AKAP13: variants seen among roughly 807,000 people sequenced by gnomAD.
The protein encoded by AKAP13 is A-kinase anchor protein 13.
A neutral mutation model predicts 264.5 loss-of-function variants in AKAP13; 80 were observed. That is an observed-to-expected ratio of 0.30 (90% CI 0.25 to 0.36). The LOEUF is 0.36. AKAP13 is among the 10% of genes least tolerant of loss of function. AKAP13 has a pLI of 1.00. For missense variants in AKAP13, 3,712 were observed against 3,435.2 expected, an observed-to-expected ratio of 1.08 and a Z score of -2.01; for synonymous variants, 1,380 against 1,250.2, an observed-to-expected ratio of 1.10 and a Z score of -2.19.
At chr15:85,412,787 C>G (rs556184541) in intron 1 of AKAP13, among the ~76,000 whole-genome samples, 2 of 152,288 alleles carry the variant, frequency 1.3e-5, no homozygotes, top group East Asian at 1.9e-4. Context: ...AGAAACAACA[C>G]AGAGGAAAAT....
intron 16 of AKAP13, among the ~76,000 whole-genome samples, chr15:85,690,663 T>A (rs2151632142): frequency 6.6e-6 from 1 of 152,296 alleles, no homozygotes; most frequent in East Asian, 1.9e-4. Context: ...TTCATTACAG[T>A]GGTTGGGTTC....
At chr15:85,521,112 C>A (rs1435511293) in intron 2 of AKAP13, among the ~76,000 whole-genome samples, 1 of 152,230 alleles carries the variant, frequency 6.6e-6, no homozygotes. Context: ...CCCCCTGCCC[C>A]TCCCCTTTTT....
chr15:85,575,701 A>G (rs1056647026), intron 6 of AKAP13, among the ~76,000 whole-genome samples: 5 of 152,168 alleles, frequency 3.3e-5, no homozygotes, highest in African/African-American at 1.2e-4. Context: ...CAAAAAAAAA[A>G]AAACTTTCCT....
At chr15:85,428,319 C>A (rs34160606) in intron 1 of AKAP13, among the ~76,000 whole-genome samples, 38,062 of 152,094 alleles carry the variant, frequency 0.25, 6,332 homozygotes, top group Middle Eastern at 0.37. Context: ...CCTGCCTCAG[C>A]CTCCCAAGCA....
intron 1 of AKAP13, among the ~76,000 whole-genome samples, chr15:85,426,663 T>G (rs985461925): frequency 6.6e-6 from 1 of 152,220 alleles, no homozygotes; most frequent in Non-Finnish European, 1.5e-5. Context: ...TGATAGTTGT[T>G]GAGGTTTATT....
At chr15:85,584,541 A>C (rs900496129) in intron 7 of AKAP13, among the ~76,000 whole-genome samples, 2 of 152,220 alleles carry the variant, frequency 1.3e-5, no homozygotes, top group Admixed American at 1.3e-4. Flanking sequence ...TAACTTTAAT[A>C]ACATTTTATG....
chr15:85,729,607 G>A (rs1385489947), intron 29 of AKAP13, among the ~76,000 whole-genome samples: 1 of 152,132 alleles, frequency 6.6e-6, no homozygotes, highest in Non-Finnish European at 1.5e-5. Flanking sequence ...CCATGGGGAT[G>A]AATGAGATCC....
intron 8 of AKAP13, among the ~76,000 whole-genome samples, chr15:85,600,204 T>C (rs1046765031): frequency 1.3e-5 from 2 of 151,910 alleles, no homozygotes; most frequent in Non-Finnish European, 2.9e-5. Context: ...AGCCATGATA[T>C]GGCAACAGCT....
intron 20 of AKAP13, chr15:85,717,002 T>C (rs1212509618): frequency 3.3e-6 from 1 of 299,518 alleles, no homozygotes; most frequent in Admixed American, 5.2e-5. Context: ...GTTTCTTATA[T>C]AATGTGTACA....
At chr15:85,744,593 TG>T (rs2089313136) in intron 36 of AKAP13, 34 bp from the exon 37 acceptor site, 1 of 1,612,186 alleles carries the variant, frequency 6.2e-7, no homozygotes, top group South Asian at 1.1e-5. Context: ...GCAGTTTTTC[TG>T]AATTTTTTTC....
chr15:85,425,334 G>A (rs2072724281), intron 1 of AKAP13, among the ~76,000 whole-genome samples: 1 of 152,112 alleles, frequency 6.6e-6, no homozygotes, highest in South Asian at 2.1e-4. Flanking sequence ...TTTTCTAGGT[G>A]TGTTTATATA....
Position 85,633,038 on chromosome 15 carries a change from G to A in AKAP13, c.4162-6336G>A, listed in dbSNP as rs2081913678. Among the ~76,000 whole-genome samples the A allele has an allele frequency of 2.0e-5, 3 of 151,946 alleles. No individual in the cohort carries two copies. In the South Asian group the frequency reaches 6.2e-4, roughly 32 times the overall value. On this transcript the variant is annotated intron_variant, in intron 8 of 36. Coordinates refer to ENST00000394518, the MANE Select transcript of AKAP13 (RefSeq NM_007200.5). ...GTGCCACCACGCCCAGATAATTTTT[G>A]TATTTTTTCAGTAGAGACAGGGTTT...
chr15:85,708,191 A>C lies in AKAP13; in HGVS notation c.5532+105A>C. 1 of 1,064,238 alleles carries C rather than the reference A, an allele frequency of 9.4e-7. No homozygotes were observed. Among genetic ancestry groups the C allele is most frequent in the South Asian group, 1.5e-5 (1 of 66,898 alleles). The allele number at this position is 1,064,238 out of a possible 1,614,324, so 65.9% of individuals were successfully genotyped here. ...GTTGTGGTGGATTTTGTTTATTTTA[A>C]TCATTTGGTACCAACTTTGAGAACA... is the stretch of plus-strand genomic sequence containing the variant. On this transcript the variant is annotated intron_variant, in intron 18 of 36. Coordinates refer to ENST00000394518, the MANE Select transcript of AKAP13 (RefSeq NM_007200.5). The surrounding 1 kb of genome is among the most constrained non-coding windows in gnomAD (Gnocchi z 4.3).
rs112778096 is a variant in AKAP13, at chr15:85,581,048, G to A, written c.2980G>A (p.Glu994Lys). ...TGCATCCTCTGCCTTTCTTAAGGCA[G>A]AAACTGAACATAACAAGGAAGTGGC... ...PGASSAFLKA[E>K]TEHNKEVAPQ... The change falls in exon 7 of 37, where the codon GAA (glutamate) becomes AAA (lysine). Residue 994 changes from glutamate to lysine, a missense_variant. Glu to Lys is a moderately conservative substitution (Grantham distance 56). Coordinates refer to ENST00000394518, the MANE Select transcript of AKAP13 (RefSeq NM_007200.5). The A allele has an allele frequency of 8.8e-5, 142 of 1,613,830 alleles. No homozygotes were observed. Among genetic ancestry groups the A allele is most frequent in the Non-Finnish European group, 1.2e-4 (136 of 1,179,940 alleles).
intron 3 of AKAP13, among the ~76,000 whole-genome samples, chr15:85,531,678 G>A (rs1350211569): frequency 3.3e-5 from 5 of 152,116 alleles, no homozygotes; most frequent in South Asian, 2.1e-4. Flanking sequence ...GCATGTGCAC[G>A]TGCTCGCACT....
chr15:85,619,688 C>A, intron 8 of AKAP13: 18 of 991,446 alleles, frequency 1.8e-5, no homozygotes, highest in Non-Finnish European at 2.2e-5. Context: ...GTTTTTTTCC[C>A]TACGTGTATC....
intron 14 of AKAP13, among the ~76,000 whole-genome samples, chr15:85,674,644 C>T (rs2084117361): frequency 6.6e-6 from 1 of 152,116 alleles, no homozygotes; most frequent in African/African-American, 2.4e-5. Flanking sequence ...CTAAGGCCAT[C>T]TTGAGAGCTG....
chr15:85,654,607 C>A (rs1329266953), intron 10 of AKAP13, among the ~76,000 whole-genome samples: 4 of 151,706 alleles, frequency 2.6e-5, no homozygotes, highest in Non-Finnish European at 5.9e-5. Flanking sequence ...CAAGAGGATC[C>A]CAGGAGTTGA....
rs763164679 is a variant in AKAP13 at position 85,581,745 on chromosome 15, G to C, written c.3677G>C (p.Ser1226Thr). 1 of 1,614,182 alleles carries C rather than the reference G, an allele frequency of 6.2e-7. No individual in the cohort carries two copies. The highest frequency in any genetic ancestry group is 8.5e-7 in the Non-Finnish European group (1 of 1,180,010). The change falls in exon 7 of 37, where the codon AGC becomes ACC. Residue 1226 changes from serine (S) to threonine (T), a missense_variant. Physicochemically the swap from Ser to Thr is moderately conservative, Grantham distance 58 (BLOSUM62 1). Transcript: ENST00000394518. Reference protein sequence around the residue: ...MRAPPSGRERSTPSLPCMVSA... With the variant: ...MRAPPSGRERTTPSLPCMVSA... The stretch of plus-strand genomic sequence containing the variant: ...GCCCCGCCTTCAGGCAGGGAAAGGA[G>C]CACTCCCTCTCTACCTTGCATGGTC...
Sources: allele counts gnomAD v4.1 joint callset (sites outside exome capture counted in the v4.1 genomes callset), GRCh38; gene constraint gnomAD v4.1.1; non-coding constraint Gnocchi (gnomAD v3.1); transcripts MANE v1.5; gene names NCBI Gene and HGNC (gene_info 2026-07-23, HGNC 2026-07-21).